The following TCTN3 variants were observed in gnomAD, a reference collection of about 807,000 sequenced individuals.
The protein encoded by TCTN3 is tectonic-3.
TCTN3 carries 57 observed loss-of-function variants against 71.3 expected under a neutral mutation model. That is an observed-to-expected ratio of 0.80 (90% CI 0.65 to 1.00). The LOEUF (loss-of-function observed/expected upper bound fraction) is 1.00. TCTN3 is among the 50% of genes least tolerant of loss of function. The pLI, the probability that TCTN3 is intolerant of heterozygous loss-of-function variation, is 0.00. For missense variants in TCTN3, 696 were observed against 719.9 expected (o/e 0.97, Z 0.38); for synonymous variants, 258 against 267.8 (o/e 0.96, Z 0.36).
chr10:95,682,148 T>C (rs1240879735), intron 12 of TCTN3, among the ~76,000 whole-genome samples: 1 of 150,386 alleles, frequency 6.6e-6, no homozygotes, highest in Non-Finnish European at 1.5e-5. Flanking sequence ...TGAGCCATGA[T>C]TGTGCCACTG....
intron 3 of TCTN3, among the ~76,000 whole-genome samples, chr10:95,688,766 G>A (rs554514487): frequency 1.2e-4 from 18 of 152,176 alleles, no homozygotes; most frequent in Admixed American, 5.2e-4. Flanking sequence ...TAAATCTACC[G>A]AAACTCTTGC....
intron 13 of TCTN3, among the ~76,000 whole-genome samples, chr10:95,678,796 T>C (rs2097939983): frequency 6.6e-6 from 1 of 152,212 alleles, no homozygotes; most frequent in South Asian, 2.1e-4. Context: ...TGTTTTATTA[T>C]AAGCTTATTG....
rs1013742170 is a variant in TCTN3, at chr10:95,684,173, G to A, written c.1095+326C>T. 2.6e-5 allele frequency among the ~76,000 whole-genome samples: 4 copies of A among 152,160 alleles called. No individual in the cohort carries two copies. The East Asian group carries it at 7.7e-4, about 29-fold the overall frequency. ...TAAAATGCTGACTGCCCAGAAATAT[G>A]AGAACAGCTAGTTAAAGAATTTTTG... On this transcript the variant is annotated intron_variant, in intron 9 of 13. Transcript: ENST00000371217.
intron 11 of TCTN3, 43 bp downstream of exon 11, chr10:95,683,058 T>G (rs2097944633): frequency 6.5e-7 from 1 of 1,541,712 alleles, no homozygotes. Context: ...ATTCCCTACA[T>G]ATTCCCGAAA....
intron 3 of TCTN3, among the ~76,000 whole-genome samples, chr10:95,692,434 A>G (rs1363337128): frequency 6.6e-6 from 1 of 152,114 alleles, no homozygotes; most frequent in African/African-American, 2.4e-5. Flanking sequence ...TTAATCCGGG[A>G]GGTGGAGGTT....
intron 13 of TCTN3, among the ~76,000 whole-genome samples, chr10:95,672,535 T>C (rs1180349677): frequency 6.6e-6 from 1 of 152,158 alleles, no homozygotes; most frequent in Non-Finnish European, 1.5e-5. Flanking sequence ...GGAACATGAT[T>C]GTCAGTCTTT....
At chr10:95,693,240 CTAGGAGTGGAAGT>C in intron 2 of TCTN3, 100 bp downstream of exon 2, 1 of 1,480,192 alleles carries the variant, frequency 6.8e-7, no homozygotes, top group Non-Finnish European at 9.1e-7. Flanking sequence ...AGGGAATGTC[CTAGGAGTGGAAGT>C]ACGGGTGGGA....
rs1566068626 is a variant in TCTN3 at position 95,677,490 on chromosome 10, T to TTG, written c.1590+2981_1590+2982insCA. Among the ~76,000 whole-genome samples the TTG allele has an allele frequency of 7.5e-3, 1,110 of 148,048 alleles. 20 individuals are homozygous for TTG. The highest frequency in any genetic ancestry group is 0.033 in the East Asian group (167 of 5,012). ...AAGTCTACAGTTTTTTTTGTTTTTT[T>TTG]TTTTTTTTTTTGCTGTATTTTCCCT... On this transcript the variant is annotated intron_variant, in intron 13 of 13. Coordinates refer to ENST00000371217, the MANE Select transcript of TCTN3 (RefSeq NM_015631.6).
chr10:95,683,842 C>T (rs898953768), intron 9 of TCTN3, among the ~76,000 whole-genome samples: 1 of 152,116 alleles, frequency 6.6e-6, no homozygotes, highest in Non-Finnish European at 1.5e-5. Flanking sequence ...TATTGAAATT[C>T]ATAATACGCT....
intron 13 of TCTN3, among the ~76,000 whole-genome samples, chr10:95,670,292 G>T (rs917125909): frequency 6.6e-6 from 1 of 152,126 alleles, no homozygotes; most frequent in African/African-American, 2.4e-5. Flanking sequence ...ATTAAAAGGA[G>T]CTTACATTGC....
At chr10:95,678,105 T>G (rs1054458252) in intron 13 of TCTN3, among the ~76,000 whole-genome samples, 1 of 152,206 alleles carries the variant, frequency 6.6e-6, no homozygotes, top group Non-Finnish European at 1.5e-5. Flanking sequence ...TCAAACAGTG[T>G]CCAGTGGAGT....
intron 13 of TCTN3, among the ~76,000 whole-genome samples, chr10:95,667,867 C>T (rs1002502775): frequency 6.6e-6 from 1 of 152,156 alleles, no homozygotes; most frequent in Non-Finnish European, 1.5e-5. Context: ...AATCACAGAG[C>T]TTTCAGTCAG....
intron 13 of TCTN3, among the ~76,000 whole-genome samples, chr10:95,666,481 C>T (rs72813744): frequency 0.14 from 21,909 of 151,946 alleles, 2,346 homozygotes; most frequent in East Asian, 0.56. Flanking sequence ...CTTAAACTTA[C>T]AAAAGGATTT....
intron 13 of TCTN3, among the ~76,000 whole-genome samples, chr10:95,675,237 C>T (rs975093135): frequency 2.0e-5 from 3 of 152,126 alleles, no homozygotes; most frequent in South Asian, 2.1e-4. Flanking sequence ...GGATTACACG[C>T]GTGTGCCACC....
intron 3 of TCTN3, 50 bp downstream of exon 3, chr10:95,692,870 A>G (rs776413480): frequency 1.1e-5 from 15 of 1,379,214 alleles, no homozygotes; most frequent in African/African-American, 5.7e-5. Flanking sequence ...AAGACAAAAT[A>G]TAACACTCCT....
At chr10:95,682,516 G>A in intron 12 of TCTN3, 135 bp downstream of exon 12, 1 of 1,060,088 alleles carries the variant, frequency 9.4e-7, no homozygotes, top group Non-Finnish European at 1.3e-6. Context: ...GCTTCAAGTG[G>A]GCATGATTTC....
At chr10:95,664,555 G>C (rs1051785304) in intron 13 of TCTN3, among the ~76,000 whole-genome samples, 10 of 152,188 alleles carry the variant, frequency 6.6e-5, no homozygotes, top group African/African-American at 2.4e-4. Flanking sequence ...CCTAGCTGGG[G>C]AGCTGCCTGA....
rs752719561 is a variant in TCTN3, at chr10:95,680,597, T to C, written c.1465A>G (p.Thr489Ala). The C allele has an allele frequency of 6.2e-6, 10 of 1,613,824 alleles. No homozygotes were observed. The highest frequency in any genetic ancestry group is 8.5e-6 in the Non-Finnish European group (10 of 1,179,938). Residue 489 changes from threonine (T) to alanine (A), a missense_variant, in exon 13 of 14, where the codon ACT (threonine) becomes GCT (alanine). Thr to Ala is a moderately conservative substitution (Grantham distance 58). Coordinates refer to ENST00000371217, the MANE Select transcript of TCTN3 (RefSeq NM_015631.6). ...RHCSISAINC[T>A]SCCLIPVSLE... ...GAAACTGGTATGAGACAGCAGGAAG[T>C]ACAGTTTATAGCCTGCAGAAGGGTA... is the stretch of plus-strand genomic sequence containing the variant.
chr10:95,687,234 G>C lies in TCTN3; in HGVS notation c.736+13C>G. The C allele has an allele frequency of 1.2e-6, 2 of 1,612,958 alleles. No homozygotes were observed. Among genetic ancestry groups the C allele is most frequent in the Non-Finnish European group, 1.7e-6 (2 of 1,179,134 alleles). On this transcript the variant is annotated intron_variant, in intron 5 of 13. Transcript: ENST00000371217. ...ATTGAATGAAAAGGTTGGTACTTTTGCTCTGGATTCACCTGCAGGATTGCT... is the reference window on the plus strand; with the variant it reads ...ATTGAATGAAAAGGTTGGTACTTTTCCTCTGGATTCACCTGCAGGATTGCT...
Sources: allele counts gnomAD v4.1 joint callset (sites outside exome capture counted in the v4.1 genomes callset), GRCh38; gene constraint gnomAD v4.1.1; transcripts MANE v1.5; gene names NCBI Gene and HGNC (gene_info 2026-07-23, HGNC 2026-07-21).